Variants in RLF observed in about 807,000 individuals in gnomAD.
RLF encodes RLF zinc finger.
Under a neutral mutation model 162.9 loss-of-function variants are expected in RLF, and 7 were observed. The ratio of observed to expected loss-of-function variants is 0.04; its 90% CI spans 0.02 to 0.08. The LOEUF (loss-of-function observed/expected upper bound fraction) is 0.08, where lower values mean the gene tolerates loss of function less well. Ranked by LOEUF, RLF falls within the 10% of genes least tolerant of loss-of-function variation. The pLI is 1.00. For synonymous variants in RLF, 782 were observed against 791.5 expected (o/e 0.99, Z 0.20); for missense variants, 1,664 against 2,244.7 (o/e 0.74, Z 5.23).
chr1:40,211,961 C>T (rs1023920726), intron 5 of RLF, among the ~76,000 whole-genome samples: 2 of 152,194 alleles, frequency 1.3e-5, no homozygotes, highest in Non-Finnish European at 2.9e-5. Flanking sequence ...TGATACTTTT[C>T]TTTTGCAAGT....
chr1:40,201,952 G>A (rs573523482), intron 4 of RLF, among the ~76,000 whole-genome samples: 115 of 152,080 alleles, frequency 7.6e-4, no homozygotes, highest in Non-Finnish European at 9.6e-4. Flanking sequence ...TCTTTTGGTC[G>A]GTGGAACACA....
intron 1 of RLF, among the ~76,000 whole-genome samples, chr1:40,176,594 C>T (rs951604125): frequency 6.6e-6 from 1 of 152,168 alleles, no homozygotes; most frequent in Non-Finnish European, 1.5e-5. Context: ...CTTGTGTCAC[C>T]ACACCTGGCT....
intron 5 of RLF, among the ~76,000 whole-genome samples, chr1:40,216,936 C>T (rs1252148069): frequency 6.6e-6 from 1 of 152,114 alleles, no homozygotes; most frequent in African/African-American, 2.4e-5. Context: ...CCTGTAATCC[C>T]AGCTACTCAG....
chr1:40,182,825 A>G (rs1336668799), intron 1 of RLF, among the ~76,000 whole-genome samples: 1 of 152,148 alleles, frequency 6.6e-6, no homozygotes, highest in Non-Finnish European at 1.5e-5. Context: ...TGGCTTTAAG[A>G]AAACCACCTA....
Position 40,237,446 on chromosome 1 carries a change from C to T in RLF, c.2744C>T (p.Thr915Ile), listed in dbSNP as rs781410762. The part of the protein sequence containing the change: ...SASMNEELID[T>I]LDHSETMQDV... Reference sequence around the variant, plus strand: ...TCAATGAATGAAGAGCTAATTGACACACTAGATCACTCTGAAACTATGCAG... The same window carrying T: ...TCAATGAATGAAGAGCTAATTGACATACTAGATCACTCTGAAACTATGCAG... The change falls in exon 8 of 8, where the codon ACA becomes ATA. Residue 915 changes from threonine (T) to isoleucine (I), a missense_variant. Around this residue, in one of 15 missense-constraint regions of RLF, gnomAD observed 295 missense variants for 317.4 expected, o/e 0.93. Coordinates refer to ENST00000372771, the MANE Select transcript of RLF (RefSeq NM_012421.4). The surrounding 1 kb of genome is among the most constrained non-coding windows in gnomAD (Gnocchi z 4.4). 6.2e-7 allele frequency: 1 copy of T among 1,614,006 alleles called. No individual in the cohort carries two copies. Among genetic ancestry groups the T allele is most frequent in the Non-Finnish European group, 8.5e-7 (1 of 1,179,950 alleles).
At chr1:40,206,242 A>G (rs1389537126) in intron 5 of RLF, among the ~76,000 whole-genome samples, 1 of 152,136 alleles carries the variant, frequency 6.6e-6, no homozygotes, top group Non-Finnish European at 1.5e-5. Flanking sequence ...ATACTTTGCT[A>G]CATTTAATCA....
chr1:40,182,469 C>T (rs80178662), intron 1 of RLF, among the ~76,000 whole-genome samples: 7,885 of 151,738 alleles, frequency 0.052, 589 homozygotes, highest in African/African-American at 0.17. Context: ...GAAAACCCCT[C>T]AAGCTTAATG....
chr1:40,162,269 CTT>C (rs887486402), intron 1 of RLF, among the ~76,000 whole-genome samples: 6 of 151,260 alleles, frequency 4.0e-5, no homozygotes, highest in South Asian at 2.1e-4. Flanking sequence ...AAGGCTGACT[CTT>C]TGAGTAGAAG....
intron 5 of RLF, among the ~76,000 whole-genome samples, chr1:40,215,510 T>C (rs1001390120): frequency 1.3e-5 from 2 of 152,064 alleles, no homozygotes; most frequent in Admixed American, 6.6e-5. Context: ...TAAGTGAAAT[T>C]TAACCTACCT....
At chr1:40,230,268 C>G (rs563783220) in intron 6 of RLF, among the ~76,000 whole-genome samples, 1 of 152,242 alleles carries the variant, frequency 6.6e-6, no homozygotes, top group South Asian at 2.1e-4. Context: ...TTCTGGGAGA[C>G]AGTCTGTGTT....
intron 5 of RLF, among the ~76,000 whole-genome samples, chr1:40,222,056 A>T (rs1445025047): frequency 6.6e-6 from 1 of 152,030 alleles, no homozygotes; most frequent in Non-Finnish European, 1.5e-5. Context: ...GGTCTGAAAA[A>T]CTCATTAATA....
At chr1:40,214,944 A>AAAAAAAAAAAC in intron 5 of RLF, among the ~76,000 whole-genome samples, 1 of 147,944 alleles carries the variant, frequency 6.8e-6, no homozygotes, top group East Asian at 1.9e-4. Context: ...AAAAAAAAAA[A>AAAAAAAAAAAC]ACTAAAGTAT....
chr1:40,189,305 A>C, intron 2 of RLF, 96 bp downstream of exon 2: 1 of 999,550 alleles, frequency 1.0e-6, no homozygotes, highest in Non-Finnish European at 1.5e-6. Flanking sequence ...TTTATTCTTC[A>C]GAGCACCATT....
rs560535318 is a variant in RLF, at chr1:40,215,976, A to G, written c.811-6598A>G. Among the ~76,000 whole-genome samples, 3 of 152,224 alleles carry G rather than the reference A, an allele frequency of 2.0e-5. No homozygotes were observed. In the East Asian group the frequency reaches 5.8e-4, roughly 29 times the overall value. On this transcript the variant is annotated intron_variant, in intron 5 of 7. Transcript: ENST00000372771. Reference sequence around the variant, plus strand: ...ATGAAATAGAGAATAGAAAATCAATAAAGAAAAGTAATAAAGTTCTTTGAA... The same window carrying G: ...ATGAAATAGAGAATAGAAAATCAATGAAGAAAAGTAATAAAGTTCTTTGAA...
intron 5 of RLF, among the ~76,000 whole-genome samples, chr1:40,213,641 C>T (rs771505722): frequency 9.2e-5 from 14 of 152,122 alleles, no homozygotes; most frequent in South Asian, 2.1e-4. Context: ...TTCTTCTACT[C>T]AAGGATGCAA....
At chr1:40,195,060 C>G (rs1034252008) in intron 3 of RLF, among the ~76,000 whole-genome samples, 3 of 151,324 alleles carry the variant, frequency 2.0e-5, no homozygotes, top group Admixed American at 6.6e-5. Context: ...GTCTTGAACT[C>G]CTGACCTCAG....
intron 4 of RLF, among the ~76,000 whole-genome samples, chr1:40,197,291 A>G (rs1349489984): frequency 6.6e-6 from 1 of 152,224 alleles, no homozygotes; most frequent in Non-Finnish European, 1.5e-5. Flanking sequence ...ATAGTTTTCC[A>G]TTGAGGTCCT....
At chr1:40,215,388 AAAAC>A in intron 5 of RLF, among the ~76,000 whole-genome samples, 2 of 152,328 alleles carry the variant, frequency 1.3e-5, no homozygotes, top group South Asian at 4.1e-4. Flanking sequence ...GTTAGCAAGT[AAAAC>A]AAACCTAAAT....
intron 5 of RLF, among the ~76,000 whole-genome samples, chr1:40,208,948 T>G (rs1642833180): frequency 6.6e-6 from 1 of 152,196 alleles, no homozygotes; most frequent in South Asian, 2.1e-4. Flanking sequence ...TGCCTCTGCT[T>G]TGCTTTTATA....
Sources: allele counts gnomAD v4.1 joint callset (sites outside exome capture counted in the v4.1 genomes callset), GRCh38; gene constraint gnomAD v4.1.1; regional missense constraint gnomAD v4.1.1; non-coding constraint Gnocchi (gnomAD v3.1); transcripts MANE v1.5; gene names NCBI Gene and HGNC (gene_info 2026-07-23, HGNC 2026-07-21).